Variants in AHNAK observed in about 807,000 individuals in gnomAD.
The protein encoded by AHNAK is neuroblast differentiation-associated protein AHNAK.
A neutral mutation model predicts 37.8 loss-of-function variants in AHNAK; 23 were observed. The ratio of observed to expected loss-of-function variants is 0.61; its 90% CI spans 0.44 to 0.86. The LOEUF (loss-of-function observed/expected upper bound fraction) is 0.86, where lower values mean the gene tolerates loss of function less well. Among genes scored for constraint, AHNAK ranks in the 40% least tolerant of loss-of-function variants. The pLI, the probability that AHNAK is intolerant of heterozygous loss-of-function variation, is 0.00. For synonymous variants in AHNAK, 2,481 were observed against 2,636.3 expected, an observed-to-expected ratio of 0.94 and a Z score of 1.80; for missense variants, 7,411 against 7,319.4, an observed-to-expected ratio of 1.01 and a Z score of -0.46.
Position 62,527,082 on chromosome 11 carries a change from A to G in AHNAK, c.7335T>C (p.Asp2445=). 1 of 1,613,912 alleles carries G rather than the reference A, an allele frequency of 6.2e-7. No individual in the cohort carries two copies. Among genetic ancestry groups the G allele is most frequent in the Non-Finnish European group, 8.5e-7 (1 of 1,179,982 alleles). ...AAATATTGGGGGCTTTGAAATGCAT[A>G]TCAGGCATCTTGAACTTAGGGCCTT... The part of the protein sequence containing the change: ...KLKGPKFKMP[D]MHFKAPNISM... Residue 2445 remains aspartate (D), a synonymous_variant, in exon 5 of 5, where the codon GAT becomes GAC. Transcript: ENST00000378024.
rs1436951172 is a variant in AHNAK at position 62,529,769 on chromosome 11, C to A, written c.4648G>T (p.Val1550Phe). 5 of 1,614,184 alleles carry A rather than the reference C, an allele frequency of 3.1e-6. No individual in the cohort carries two copies. The change falls in exon 5 of 5, where the codon GTT becomes TTT. Residue 1550 changes from valine (V) to phenylalanine (F), a missense_variant. By Grantham distance (50) the Val-to-Phe change is conservative. Transcript: ENST00000378024. ...GGAGCTTCAAGATTCACATCTGGAA[C>A]ATCAATGTCCACCTTGGGTCCTGAA... Reference protein sequence around the residue: ...GVSGPKVDIDVPDVNLEAPEG... With the variant: ...GVSGPKVDIDFPDVNLEAPEG...
chr11:62,498,063 G>T (rs924619414), intron 4 of AHNAK, among the ~76,000 whole-genome samples: 4 of 152,232 alleles, frequency 2.6e-5, no homozygotes, highest in South Asian at 2.1e-4. Context: ...ATTTCACAAT[G>T]AAAAGAACGA....
rs1196901663 is a variant in AHNAK, at chr11:62,528,460, G to T, written c.5957C>A (p.Thr1986Asn). Residue 1986 changes from threonine to asparagine, a missense_variant, in exon 5 of 5, where the codon ACC becomes AAC. By Grantham distance (65) the Thr-to-Asn change is moderately conservative (BLOSUM62 0). Transcript: ENST00000378024. ...CACATCAGGCATGGAGATCTTGGGG[G>T]TCTTGAAGTGCATCTCAGGCATCTT... ...KFKMPEMHFK[T>N]PKISMPDVDL... 1.2e-6 allele frequency: 2 copies of T among 1,613,532 alleles called. No homozygotes were observed. Among genetic ancestry groups the T allele is most frequent in the Non-Finnish European group, 1.7e-6 (2 of 1,179,918 alleles).
chr11:62,441,348 C>T (rs1360789780), intron 5 of AHNAK, among the ~76,000 whole-genome samples: 1 of 151,880 alleles, frequency 6.6e-6, no homozygotes, highest in African/African-American at 2.4e-5. Flanking sequence ...CCGTGTACAC[C>T]TGTGATCCCA....
rs557078357 is a variant in AHNAK, at chr11:62,444,818, G to C, written c.443-10927C>G. 4.9e-4 allele frequency among the ~76,000 whole-genome samples: 75 copies of C among 152,358 alleles called. No homozygotes were observed. The South Asian group carries it at 0.014, about 29-fold the overall frequency. ...TTTCCTAAACAGGCATAAGCTCACT[G>C]AATCCCGGAGCCTTCCCATGAGGGA... On this transcript the variant is annotated intron_variant, in intron 5 of 5. Transcript: ENST00000257247.
At chr11:62,443,697 G>A (rs1377743919) in intron 5 of AHNAK, among the ~76,000 whole-genome samples, 2 of 152,146 alleles carry the variant, frequency 1.3e-5, no homozygotes, top group African/African-American at 4.8e-5. Flanking sequence ...AGACTTGAAA[G>A]TCATCATCAA....
At chr11:62,466,491 T>C (rs1324952006) in intron 5 of AHNAK, among the ~76,000 whole-genome samples, 2 of 106,574 alleles carry the variant, frequency 1.9e-5, no homozygotes, top group Non-Finnish European at 3.9e-5. Context: ...TTTTTTTTTT[T>C]ACCAGACTCT....
rs114351266 is a variant in AHNAK at position 62,480,218 on chromosome 11, C to T, written c.442+11514G>A. On this transcript the variant is annotated intron_variant, in intron 5 of 5. Transcript: ENST00000257247. The stretch of plus-strand genomic sequence containing the variant: ...ACCCTCAGCCCTGCCAATCTTGCCT[C>T]GGATCCTTTCTAAATCCCTTTAGCA... Among the ~76,000 whole-genome samples the T allele has an allele frequency of 5.0e-3, 769 of 152,282 alleles. 6 individuals carry two copies. The highest frequency in any genetic ancestry group is 0.017 in the African/African-American group (727 of 41,550).
chr11:62,438,626 T>G (rs779192818), intron 5 of AHNAK, among the ~76,000 whole-genome samples: 21 of 152,202 alleles, frequency 1.4e-4, no homozygotes, highest in Non-Finnish European at 2.5e-4. Context: ...TTTCATTTTT[T>G]TAATGGTGCC....
intron 5 of AHNAK, among the ~76,000 whole-genome samples, chr11:62,437,525 T>G (rs1190140741): frequency 1.3e-5 from 2 of 152,020 alleles, no homozygotes; most frequent in Non-Finnish European, 2.9e-5. Flanking sequence ...TCAGCTAATT[T>G]TTTTTGTATT....
downstream of AHNAK, among the ~76,000 whole-genome samples, chr11:62,515,362 T>C (rs377633235): frequency 1.4e-3 from 215 of 152,222 alleles, no homozygotes; most frequent in African/African-American, 4.9e-3. Flanking sequence ...CTACTAAATA[T>C]AAAAATTAGC....
chr11:62,486,484 A>G (rs1053013809), intron 5 of AHNAK, among the ~76,000 whole-genome samples: 5 of 150,256 alleles, frequency 3.3e-5, no homozygotes, highest in South Asian at 2.1e-4. Context: ...TCTGTCTCAA[A>G]AAAAAGAAAG....
chr11:62,506,011 A>G (rs1939804753), intron 4 of AHNAK, among the ~76,000 whole-genome samples: 1 of 72,136 alleles, frequency 1.4e-5, no homozygotes, highest in Non-Finnish European at 2.6e-5. Flanking sequence ...CCCTGTCTCT[A>G]CCAAAAAAAA....
intron 4 of AHNAK, among the ~76,000 whole-genome samples, chr11:62,494,859 G>A (rs1182707172): frequency 6.6e-6 from 1 of 151,960 alleles, no homozygotes; most frequent in Non-Finnish European, 1.5e-5. Flanking sequence ...AATTAGCATG[G>A]CGTGATGGCG....
chr11:62,501,935 G>C (rs528480704), intron 4 of AHNAK, among the ~76,000 whole-genome samples: 1 of 152,318 alleles, frequency 6.6e-6, no homozygotes, highest in East Asian at 1.9e-4. Flanking sequence ...AGGAAGGAAG[G>C]GAAGGAGAAC....
rs1219513667 is a variant in AHNAK at position 62,521,654 on chromosome 11, G to T, written c.12763C>A (p.Pro4255Thr). The T allele has an allele frequency of 6.2e-7, 1 of 1,613,800 alleles. No individual in the cohort carries two copies. Among genetic ancestry groups the T allele is most frequent in the South Asian group, 1.1e-5 (1 of 91,064 alleles). Residue 4255 changes from proline to threonine, a missense_variant, in exon 5 of 5, where the codon CCC (proline) becomes ACC (threonine). Physicochemically the swap from Pro to Thr is conservative, Grantham distance 38 (BLOSUM62 -1). Coordinates refer to ENST00000378024, the MANE Select transcript of AHNAK (RefSeq NM_001620.3). ...TCAAAGTCAGGCATGGAGATCTTGG[G>T]GGCTTTGATGTTCATCTCAGGCATC... ...FKMPEMNIKAPKISMPDFDLH... is the reference protein window; with the variant it reads ...FKMPEMNIKATKISMPDFDLH...
downstream of AHNAK, among the ~76,000 whole-genome samples, chr11:62,514,750 C>T (rs931498352): frequency 1.3e-5 from 2 of 152,198 alleles, no homozygotes; most frequent in Admixed American, 1.3e-4. Flanking sequence ...TCATCTAAAA[C>T]GCAGCCGGGT....
rs1940409517 is a variant in AHNAK, at chr11:62,524,783, T to C, written c.9634A>G (p.Met3212Val). 1.2e-6 allele frequency: 2 copies of C among 1,614,194 alleles called. No individual in the cohort carries two copies. Among genetic ancestry groups the C allele is most frequent in the African/African-American group, 1.3e-5 (1 of 75,048 alleles). ...GATATTTTAGGAGCTTTGATGTTCA[T>C]CTCTGGCATCTTGAATTTAGGGCCC... Reference protein sequence around the residue: ...LKGPKFKMPEMNIKAPKISMP... With the variant: ...LKGPKFKMPEVNIKAPKISMP... The change falls in exon 5 of 5, where the codon ATG (methionine) becomes GTG (valine). Residue 3212 changes from methionine (M) to valine (V), a missense_variant. Transcript: ENST00000378024.
Position 62,521,263 on chromosome 11 carries a change from A to G in AHNAK, c.13154T>C (p.Ile4385Thr). The G allele has an allele frequency of 6.2e-7, 1 of 1,613,670 alleles. No homozygotes were observed. Among genetic ancestry groups the G allele is most frequent in the Middle Eastern group, 1.7e-4 (1 of 6,060 alleles). ...GTTAAAGTCAATGTCAGGCATGGAGATTTTGGGGGCCTTGATGTTCATCTC... is the reference window on the plus strand; with the variant it reads ...GTTAAAGTCAATGTCAGGCATGGAGGTTTTGGGGGCCTTGATGTTCATCTC... Reference protein sequence around the residue: ...MPEMNIKAPKISMPDIDFNLK... With the variant: ...MPEMNIKAPKTSMPDIDFNLK... The change falls in exon 5 of 5, where the codon ATC becomes ACC. Residue 4385 changes from isoleucine to threonine, a missense_variant. Transcript: ENST00000378024.
Sources: gnomAD v4.1 joint callset for allele counts (sites outside exome capture counted in the v4.1 genomes callset) on GRCh38, gnomAD v4.1.1 for gene constraint, MANE v1.5 for transcripts, NCBI Gene and HGNC (gene_info 2026-07-23, HGNC 2026-07-21) for gene names.